The following ELN variants were observed in gnomAD, a reference collection of about 807,000 sequenced individuals.
ELN encodes elastin.
A neutral mutation model predicts 105.8 loss-of-function variants in ELN; 65 were observed. The observed-to-expected ratio is 0.61, with a 90% CI of 0.50 to 0.75. The LOEUF (loss-of-function observed/expected upper bound fraction) is 0.75. Among genes scored for constraint, ELN ranks in the 30% least tolerant of loss-of-function variants. The probability of loss-of-function intolerance (pLI) is 0.00; values close to 1 mark genes in which losing one functional copy is unlikely to be tolerated. For missense variants in ELN, 882 were observed against 969.4 expected (o/e 0.91, Z 1.20); for synonymous variants, 368 against 389.2 (o/e 0.95, Z 0.64).
At chr7:74,028,394 C>T in intron 1 of ELN, 125 bp downstream of exon 1, 1 of 1,158,314 alleles carries the variant, frequency 8.6e-7, no homozygotes, top group Non-Finnish European at 1.2e-6. Context: ...GGTGGGAGCC[C>T]CTCAGCCACT....
chr7:74,068,836 T>A lies in ELN; in HGVS notation c.*136T>A. The A allele has an allele frequency of 9.2e-7, 1 of 1,090,172 alleles. No individual in the cohort carries two copies. The highest frequency in any genetic ancestry group is 1.4e-6 in the Non-Finnish European group (1 of 721,500). The allele number at this position is 1,090,172 out of a possible 1,614,324, so 67.5% of individuals were successfully genotyped here. A position where few individuals can be genotyped will look rare whatever the true frequency, so the allele number is the denominator to read the frequency against. On this transcript the variant is annotated 3_prime_UTR_variant, in exon 33 of 33. Transcript: ENST00000252034. Reference sequence around the variant, plus strand: ...GAGGGAACGGGCAGGCCGGGCGGCCTTGCAGATCCACAGGGCAAGGAAACA... The same window carrying A: ...GAGGGAACGGGCAGGCCGGGCGGCCATGCAGATCCACAGGGCAAGGAAACA...
chr7:74,065,339 G>T (rs1797699021), intron 29 of ELN, among the ~76,000 whole-genome samples: 1 of 151,838 alleles, frequency 6.6e-6, no homozygotes, highest in South Asian at 2.1e-4. Context: ...GCCTAGCCAG[G>T]TGCAGTGGCT....
intron 21 of ELN, 118 bp downstream of exon 21, chr7:74,056,831 C>A: frequency 7.6e-7 from 1 of 1,314,458 alleles, no homozygotes; most frequent in Non-Finnish European, 1.1e-6. Context: ...ACCAAGGTCA[C>A]GAGGCCCCTG....
In ELN at chr7:74,047,662, G is replaced by T. The variant is rs2131638108; in HGVS notation, c.644-13G>T. The T allele has an allele frequency of 6.2e-7, 1 of 1,614,170 alleles. No homozygotes were observed. The highest frequency in any genetic ancestry group is 8.5e-7 in the Non-Finnish European group (1 of 1,180,004). On this transcript the variant is annotated splice_polypyrimidine_tract_variant and intron_variant, in intron 12 of 32. Coordinates refer to ENST00000252034, the MANE Select transcript of ELN (RefSeq NM_000501.4). ...ATGGGGCAGCCCCTGAGTTTGCTCTGTCCTCTCTCCAGGTGGCTATGGACT... is the reference window on the plus strand; with the variant it reads ...ATGGGGCAGCCCCTGAGTTTGCTCTTTCCTCTCTCCAGGTGGCTATGGACT...
At chr7:74,062,289 G>C (rs1338407076) in intron 26 of ELN, 1 of 152,376 alleles carries the variant, frequency 6.6e-6, no homozygotes, top group Non-Finnish European at 1.5e-5. Flanking sequence ...CTGCTTGGCA[G>C]GCCTGAGTCA....
Position 74,066,785 on chromosome 7 carries a change from G to T in ELN, c.2131+9G>T, listed in dbSNP as rs2132708102. ...GTCTCCCATTTTCCCAGGTATGCCA[G>T]GCTCCCTGCCCCTGGGCCCTGCCCT... On this transcript the variant is annotated intron_variant, in intron 32 of 32. Transcript: ENST00000252034. The T allele has an allele frequency of 6.2e-7, 1 of 1,613,156 alleles. No homozygotes were observed. Among genetic ancestry groups the T allele is most frequent in the Middle Eastern group, 1.7e-4 (1 of 6,060 alleles).
chr7:74,033,662 C>G (rs1554663812), intron 1 of ELN, among the ~76,000 whole-genome samples: 1 of 152,230 alleles, frequency 6.6e-6, no homozygotes, highest in Non-Finnish European at 1.5e-5. Flanking sequence ...CCTGACCCTG[C>G]TGGGCTGCAG....
At position 74,068,915 on chromosome 7, in the gene ELN, G is replaced by A; in HGVS notation, c.*215G>A. ...GGAGGCCCCCTACTTCAGAGGCAAG[G>A]GCCATGTGGTCCTGGCCCCCCACCC... On this transcript the variant is annotated 3_prime_UTR_variant, in exon 33 of 33. Coordinates refer to ENST00000252034, the MANE Select transcript of ELN (RefSeq NM_000501.4). The A allele has an allele frequency of 4.9e-6, 3 of 615,442 alleles. No individual in the cohort carries two copies. The highest frequency in any genetic ancestry group is 2.8e-5 in the East Asian group (1 of 35,378). 38.1% of individuals were successfully genotyped at this position (615,442 alleles called of 1,614,324 possible).
intron 18 of ELN, among the ~76,000 whole-genome samples, chr7:74,054,251 T>C (rs1397367221): frequency 6.6e-6 from 1 of 152,032 alleles, no homozygotes; most frequent in Non-Finnish European, 1.5e-5. Context: ...GCGGATCACC[T>C]GAGGTGAGGA....
chr7:74,045,282 C>G lies in ELN; in HGVS notation c.530C>G (p.Pro177Arg). Residue 177 changes from proline to arginine, a missense_variant, in exon 10 of 33, where the codon CCC becomes CGC. Physicochemically the swap from Pro to Arg is moderately radical, Grantham distance 103. Coordinates refer to ENST00000252034, the MANE Select transcript of ELN (RefSeq NM_000501.4). ...GTTCCCACTGGAGCAGGAGTTAAGC[C>G]CAAGGCTCCAGGTATGCAGCTGTCT... The part of the protein sequence containing the change: ...PGVPTGAGVK[P>R]KAPGVGGAFA... 6.2e-7 allele frequency: 1 copy of G among 1,614,110 alleles called. No homozygotes were observed. Among genetic ancestry groups the G allele is most frequent in the Non-Finnish European group, 8.5e-7 (1 of 1,180,040 alleles).
rs1554659889 is a variant in ELN, at chr7:74,028,173, G to A, written c.-15G>A. The A allele has an allele frequency of 1.2e-6, 2 of 1,611,100 alleles. No individual in the cohort carries two copies. Among genetic ancestry groups the A allele is most frequent in the Non-Finnish European group, 1.7e-6 (2 of 1,179,470 alleles). ...AACGAGGTGCGGAGAGCGGGCTGGG[G>A]CATTTCTCCCCGAGATGGCGGGTCT... is the stretch of plus-strand genomic sequence containing the variant. On this transcript the variant is annotated 5_prime_UTR_variant, in exon 1 of 33. Transcript: ENST00000252034.
intron 4 of ELN, among the ~76,000 whole-genome samples, chr7:74,039,754 G>T (rs1350543598): frequency 6.6e-6 from 1 of 152,244 alleles, no homozygotes; most frequent in African/African-American, 2.4e-5. Flanking sequence ...GCACAACTAG[G>T]TGCTTTCTGC....
chr7:74,065,570 C>G (rs1323779722), intron 29 of ELN, 124 bp from the exon 30 acceptor site: 1 of 1,161,860 alleles, frequency 8.6e-7, no homozygotes, highest in African/African-American at 1.6e-5. Flanking sequence ...GCCGGGATCG[C>G]GCCACTGCAC....
intron 16 of ELN, 23 bp downstream of exon 16, chr7:74,051,862 G>A (rs781944877): frequency 1.1e-5 from 18 of 1,614,106 alleles, no homozygotes; most frequent in East Asian, 2.2e-5. Flanking sequence ...CCAGCAGGGG[G>A]CGGGTGTGTC....
intron 1 of ELN, 102 bp downstream of exon 1, chr7:74,028,371 G>A: frequency 7.4e-7 from 1 of 1,353,278 alleles, no homozygotes; most frequent in Non-Finnish European, 1.0e-6. Context: ...CCTGGGAACT[G>A]CAAGGGGTCC....
At chr7:74,061,873 T>A (rs1796759204) in intron 26 of ELN, among the ~76,000 whole-genome samples, 1 of 152,174 alleles carries the variant, frequency 6.6e-6, no homozygotes, top group Non-Finnish European at 1.5e-5. Context: ...AGGAAGGGAC[T>A]GGGCCTGCTG....
chr7:74,042,939 C>A, intron 6 of ELN, 45 bp from the exon 7 acceptor site: 2 of 1,613,984 alleles, frequency 1.2e-6, no homozygotes, highest in Non-Finnish European at 1.7e-6. Flanking sequence ...CCTTCTGCCT[C>A]CCCACTGTTC....
rs554835518 is a variant in ELN at position 74,068,441 on chromosome 7, G to A, written c.2132-216G>A. ...ATGACCTGCCCCCTTTTCTGCGAGC[G>A]TTGGTTTCATCCAAGTAATATCTTG... On this transcript the variant is annotated intron_variant, in intron 32 of 32. Coordinates refer to ENST00000252034, the MANE Select transcript of ELN (RefSeq NM_000501.4). Among the ~76,000 whole-genome samples, 160 of 152,294 alleles carry A rather than the reference G, an allele frequency of 1.1e-3. 1 individual carries two copies. The highest frequency in any genetic ancestry group is 1.9e-3 in the Non-Finnish European group (126 of 68,024).
rs1554688864 is a variant in ELN, at chr7:74,065,960, A to G, written c.2049A>G (p.Gly683=). The G allele has an allele frequency of 2.5e-6, 4 of 1,613,926 alleles. No homozygotes were observed. Among genetic ancestry groups the G allele is most frequent in the Non-Finnish European group, 3.4e-6 (4 of 1,179,960 alleles). Residue 683 remains glycine, a synonymous_variant, in exon 31 of 33, where the codon GGA becomes GGG. Coordinates refer to ENST00000252034, the MANE Select transcript of ELN (RefSeq NM_000501.4). The part of the protein sequence containing the change: ...KAAKYGAAGL[G]GVLGGAGQFP... Reference sequence around the variant, plus strand: ...TCTTCTCAGGTGCTGCTGGCCTTGGAGGTGTCCTAGGGGGTGCCGGGCAGT... The same window carrying G: ...TCTTCTCAGGTGCTGCTGGCCTTGGGGGTGTCCTAGGGGGTGCCGGGCAGT...
Sources: gnomAD v4.1 joint callset for allele counts (sites outside exome capture counted in the v4.1 genomes callset) on GRCh38, gnomAD v4.1.1 for gene constraint, MANE v1.5 for transcripts, NCBI Gene and HGNC (gene_info 2026-07-23, HGNC 2026-07-21) for gene names.